MACROD2: variants seen among roughly 807,000 people sequenced by gnomAD.
The protein encoded by MACROD2 is mono-ADP ribosylhydrolase 2, also known as ADP-ribose glycohydrolase MACROD2.
Under a neutral mutation model 70.4 loss-of-function variants are expected in MACROD2, and 36 were observed. The observed-to-expected ratio is 0.51, with a 90% CI of 0.39 to 0.68. The LOEUF is 0.68. Among genes scored for constraint, MACROD2 ranks in the 30% least tolerant of loss-of-function variants. The pLI, the probability that MACROD2 is intolerant of heterozygous loss-of-function variation, is 0.00. For missense variants in MACROD2, 496 were observed against 538.4 expected (o/e 0.92, Z 0.78); for synonymous variants, 172 against 178.8 (o/e 0.96, Z 0.30).
In MACROD2 at chr20:16,045,341, G is replaced by A. The variant is rs1057441720; in HGVS notation, c.1300+702G>A. ...CTAAAATATATTTAGAATGATGAGT[G>A]TAACTGAGTCCAAAGCCAGTACTGC... On this transcript the variant is annotated intron_variant, in intron 17 of 17. Coordinates refer to ENST00000684519, the MANE Select transcript of MACROD2 (RefSeq NM_001351661.2). 2.0e-5 allele frequency among the ~76,000 whole-genome samples: 3 copies of A among 152,132 alleles called. No individual in the cohort carries two copies. In the South Asian group the frequency reaches 6.2e-4, roughly 32 times the overall value.
intron 2 of MACROD2, among the ~76,000 whole-genome samples, chr20:14,007,750 CT>C (rs1157775432): frequency 3.3e-5 from 5 of 152,056 alleles, no homozygotes; most frequent in Admixed American, 1.3e-4. Context: ...TATTGTTACA[CT>C]TTTTGGATGG....
intron 5 of MACROD2, among the ~76,000 whole-genome samples, chr20:14,805,663 G>A (rs1381574581): frequency 1.3e-5 from 2 of 152,048 alleles, no homozygotes; most frequent in Non-Finnish European, 2.9e-5. Context: ...TAAACTCCAT[G>A]TTCTCAACAC....
chr20:15,783,323 G>C (rs759931942), intron 8 of MACROD2, among the ~76,000 whole-genome samples: 1 of 152,132 alleles, frequency 6.6e-6, no homozygotes, highest in African/African-American at 2.4e-5. Context: ...TACAGTCCTA[G>C]TTGATAAATA....
At chr20:15,533,549 C>G (rs1171820345) in intron 8 of MACROD2, among the ~76,000 whole-genome samples, 2 of 49,886 alleles carry the variant, frequency 4.0e-5, no homozygotes, top group African/African-American at 1.7e-4. Flanking sequence ...CTGTCGCTCT[C>G]TCTCTCTCTC....
At chr20:15,680,007 G>A (rs1247541156) in intron 8 of MACROD2, among the ~76,000 whole-genome samples, 1 of 152,052 alleles carries the variant, frequency 6.6e-6, no homozygotes, top group African/African-American at 2.4e-5. Context: ...ATGTTTTATG[G>A]TCAGAGTGGA....
At chr20:14,756,505 A>G (rs1002554455) in intron 5 of MACROD2, among the ~76,000 whole-genome samples, 3 of 152,098 alleles carry the variant, frequency 2.0e-5, no homozygotes, top group African/African-American at 7.3e-5. Context: ...CCCTGGTACT[A>G]ATAGTTAGTT....
At chr20:15,679,813 G>A (rs2050135898) in intron 8 of MACROD2, among the ~76,000 whole-genome samples, 1 of 152,166 alleles carries the variant, frequency 6.6e-6, no homozygotes, top group African/African-American at 2.4e-5. Context: ...CCACACTTGG[G>A]AGCAAAGAGC....
intron 5 of MACROD2, among the ~76,000 whole-genome samples, chr20:14,868,203 TAA>T (rs2073448820): frequency 6.7e-6 from 1 of 150,064 alleles, no homozygotes; most frequent in African/African-American, 2.4e-5. Flanking sequence ...TTTTTTTTTT[TAA>T]GAGACAAGTT....
intron 8 of MACROD2, among the ~76,000 whole-genome samples, chr20:15,500,522 G>T (rs2047351708): frequency 6.6e-6 from 1 of 152,132 alleles, no homozygotes; most frequent in African/African-American, 2.4e-5. Flanking sequence ...TTTACATATT[G>T]TAACAGCTAG....
chr20:14,146,996 C>G (rs1827548083), intron 3 of MACROD2, among the ~76,000 whole-genome samples: 1 of 152,062 alleles, frequency 6.6e-6, no homozygotes, highest in Admixed American at 6.5e-5. Context: ...CTTGAGAACT[C>G]CTGGGGGTGA....
intron 5 of MACROD2, among the ~76,000 whole-genome samples, chr20:14,758,934 A>G (rs1408127472): frequency 1.3e-5 from 2 of 152,014 alleles, no homozygotes; most frequent in Non-Finnish European, 2.9e-5. Context: ...TAATTGCAGT[A>G]TTTCATGGCA....
chr20:14,898,385 C>T (rs187509997), intron 5 of MACROD2, among the ~76,000 whole-genome samples: 89 of 152,208 alleles, frequency 5.8e-4, no homozygotes, highest in Middle Eastern at 3.4e-3. Flanking sequence ...ATATGTTTCT[C>T]TTTAACACAA....
chr20:14,972,605 T>C (rs969524948), intron 5 of MACROD2, among the ~76,000 whole-genome samples: 5 of 152,204 alleles, frequency 3.3e-5, no homozygotes, highest in African/African-American at 1.2e-4. Context: ...TGATATGTCC[T>C]ATAAGGGATC....
At chr20:14,549,409 T>C (rs1050158822) in intron 4 of MACROD2, among the ~76,000 whole-genome samples, 2 of 152,254 alleles carry the variant, frequency 1.3e-5, no homozygotes, top group African/African-American at 2.4e-5. Context: ...ATTATTAATG[T>C]GTTTTGTAAA....
intron 3 of MACROD2, among the ~76,000 whole-genome samples, chr20:14,154,028 T>C (rs189637061): frequency 1.3e-3 from 198 of 152,326 alleles, no homozygotes; most frequent in Non-Finnish European, 2.3e-3. Context: ...AATGCACAAG[T>C]ACTGAAAGGA....
intron 5 of MACROD2, among the ~76,000 whole-genome samples, chr20:15,093,261 G>T (rs2075805217): frequency 6.6e-6 from 1 of 152,158 alleles, no homozygotes; most frequent in African/African-American, 2.4e-5. Flanking sequence ...TGGATGTTTT[G>T]ATAGGAGTTT....
In MACROD2 at chr20:15,316,330, G is replaced by A. The variant is rs551459732; in HGVS notation, c.540+86269G>A. On this transcript the variant is annotated intron_variant, in intron 6 of 17. Coordinates refer to ENST00000684519, the MANE Select transcript of MACROD2 (RefSeq NM_001351661.2). ...ACTTTAGATCTAAAGATAAATGTGG[G>A]TTCAAAGCAAAAATATGGATAAAGA... Among the ~76,000 whole-genome samples, 27 of 146,076 alleles carry A rather than the reference G, an allele frequency of 1.8e-4. 3 individuals are homozygous for A. Among genetic ancestry groups the A allele is most frequent in the African/African-American group, 6.9e-4 (27 of 38,876 alleles).
chr20:15,746,582 A>AGAAACGGT (rs2051187637), intron 8 of MACROD2, among the ~76,000 whole-genome samples: 1 of 150,350 alleles, frequency 6.7e-6, no homozygotes, highest in African/African-American at 2.4e-5. Flanking sequence ...AAAAAAAAAA[A>AGAAACGGT]GAAACGGTGA....
intron 5 of MACROD2, among the ~76,000 whole-genome samples, chr20:15,194,489 G>A (rs994366994): frequency 7.2e-5 from 11 of 151,844 alleles, no homozygotes; most frequent in Non-Finnish European, 1.3e-4. Flanking sequence ...TAAAAATAAC[G>A]CAAACAATTC....
Sources: gnomAD v4.1 joint callset for allele counts (sites outside exome capture counted in the v4.1 genomes callset) on GRCh38, gnomAD v4.1.1 for gene constraint, MANE v1.5 for transcripts, NCBI Gene and HGNC (gene_info 2026-07-23, HGNC 2026-07-21) for gene names.